The following POLQ variants were observed in gnomAD, a reference collection of about 807,000 sequenced individuals.
The protein encoded by POLQ is epididymis secretory sperm binding protein.
A neutral mutation model predicts 259.2 loss-of-function variants in POLQ; 233 were observed. The ratio of observed to expected loss-of-function variants is 0.90; its 90% CI spans 0.81 to 1.00. The LOEUF (loss-of-function observed/expected upper bound fraction) is 1.00. Among genes scored for constraint, POLQ ranks in the 50% least tolerant of loss-of-function variants. The pLI is 0.00. For synonymous variants in POLQ, 1,025 were observed against 1,048.8 expected (o/e 0.98, Z 0.44); for missense variants, 2,871 against 3,051.6 (o/e 0.94, Z 1.39).
At chr3:121,521,946 T>G in intron 8 of POLQ, 57 bp downstream of exon 8, 1 of 1,183,422 alleles carries the variant, frequency 8.5e-7, no homozygotes, top group Non-Finnish European at 1.2e-6. Flanking sequence ...AATATAAAAG[T>G]TAAGACAGTA....
chr3:121,473,277 C>A, intron 21 of POLQ, 73 bp downstream of exon 21: 1 of 1,268,548 alleles, frequency 7.9e-7, no homozygotes, highest in Non-Finnish European at 1.1e-6. Flanking sequence ...ATTTCATCAG[C>A]ATTCTTTCTA....
rs919439064 is a variant in POLQ, at chr3:121,445,350, A to T, written c.7264+3965T>A. ...CAGGTTTTAGATTTCTTCATGGTTC[A>T]ATCTTGGCAGGTTGTATGTGTCTAG... On this transcript the variant is annotated intron_variant, in intron 26 of 29. Transcript: ENST00000264233. Among the ~76,000 whole-genome samples, 2 of 152,122 alleles carry T rather than the reference A, an allele frequency of 1.3e-5. 1 individual carries two copies. Among genetic ancestry groups the T allele is most frequent in the Admixed American group, 1.3e-4 (2 of 15,270 alleles).
rs553201767 is a variant in POLQ at position 121,522,144 on chromosome 3, C to T, written c.1114G>A (p.Val372Met). 3.1e-6 allele frequency: 5 copies of T among 1,594,270 alleles called. No homozygotes were observed. Among genetic ancestry groups the T allele is most frequent in the Non-Finnish European group, 4.3e-6 (5 of 1,174,578 alleles). ...ACTGGTGGGCATTCAGAGGGTTTCA[C>T]CAATCCTGTCACAAAAAAATTATCA... ...YNLHHQAEGLVKPSECPPVIL... is the reference protein window; with the variant it reads ...YNLHHQAEGLMKPSECPPVIL... Residue 372 changes from valine to methionine, a missense_variant, in exon 8 of 30, where the codon GTG (valine) becomes ATG (methionine). Val to Met is a conservative substitution (Grantham distance 21, BLOSUM62 1). Transcript: ENST00000264233.
At chr3:121,504,875 A>G (rs181373964) in intron 12 of POLQ, among the ~76,000 whole-genome samples, 1 of 152,278 alleles carries the variant, frequency 6.6e-6, no homozygotes, top group African/African-American at 2.4e-5. Context: ...CAATGAGTTA[A>G]GACTCCGGGG....
chr3:121,471,861 TTA>T (rs2047886194), intron 22 of POLQ, 127 bp downstream of exon 22: 2 of 448,742 alleles, frequency 4.5e-6, no homozygotes, highest in Non-Finnish European at 7.8e-6. Flanking sequence ...AGCATGTATT[TTA>T]TAGTTGTAAA....
At chr3:121,539,347 T>C in intron 4 of POLQ, 86 bp downstream of exon 4, 1 of 1,026,980 alleles carries the variant, frequency 9.7e-7, no homozygotes, top group Non-Finnish European at 1.4e-6. Context: ...GGAAAACAAA[T>C]GGGACCTAGA....
At chr3:121,498,205 G>A (rs888224093) in intron 13 of POLQ, among the ~76,000 whole-genome samples, 2 of 151,936 alleles carry the variant, frequency 1.3e-5, no homozygotes, top group African/African-American at 4.8e-5. Flanking sequence ...AGCTACTCAG[G>A]AGGCTGAGGC....
chr3:121,483,340 T>C lies in POLQ; in HGVS notation c.5970+46A>G, dbSNP rs555201978. Reference sequence around the variant, plus strand: ...TACCAAGTCATTTAAGAATTAACACTAAAAATGTTGTTTTAAGTATATAAA... The same window carrying C: ...TACCAAGTCATTTAAGAATTAACACCAAAAATGTTGTTTTAAGTATATAAA... On this transcript the variant is annotated intron_variant, in intron 18 of 29. Transcript: ENST00000264233. 5.4e-6 allele frequency: 6 copies of C among 1,113,666 alleles called. No homozygotes were observed. The South Asian group carries it at 1.0e-4, about 19-fold the overall frequency. The allele number at this position is 1,113,666 out of a possible 1,614,324, so 69.0% of individuals were successfully genotyped here.
intron 22 of POLQ, among the ~76,000 whole-genome samples, chr3:121,469,585 C>G (rs2108788790): frequency 6.6e-6 from 1 of 152,236 alleles, no homozygotes; most frequent in African/African-American, 2.4e-5. Flanking sequence ...TTCAGTGTTA[C>G]AAAGCTAACA....
At chr3:121,455,004 T>C (rs1361877660) in intron 25 of POLQ, among the ~76,000 whole-genome samples, 2 of 152,092 alleles carry the variant, frequency 1.3e-5, no homozygotes, top group Non-Finnish European at 2.9e-5. Flanking sequence ...TCAGCAAATG[T>C]AAAAGAACAG....
At chr3:121,486,451 G>C (rs1334713900) in intron 16 of POLQ, among the ~76,000 whole-genome samples, 2 of 152,200 alleles carry the variant, frequency 1.3e-5, no homozygotes, top group Non-Finnish European at 2.9e-5. Flanking sequence ...CTACTCAGGA[G>C]GCTGAGGCAG....
chr3:121,479,494 ACTCT>A (rs746143102), intron 19 of POLQ, among the ~76,000 whole-genome samples: 14 of 151,982 alleles, frequency 9.2e-5, no homozygotes, highest in Admixed American at 3.3e-4. Flanking sequence ...ACAGATCCTC[ACTCT>A]ATTGCCCAGA....
At chr3:121,467,082 A>G (rs904271852) in intron 24 of POLQ, among the ~76,000 whole-genome samples, 2 of 152,236 alleles carry the variant, frequency 1.3e-5, no homozygotes, top group African/African-American at 4.8e-5. Context: ...AGGAAGCAGC[A>G]GTGCAGAAAA....
rs1005596944 is a variant in POLQ at position 121,456,152 on chromosome 3, T to C, written c.7152+3898A>G. 2.6e-4 allele frequency among the ~76,000 whole-genome samples: 40 copies of C among 152,334 alleles called. 1 individual carries two copies. The Middle Eastern group carries it at 0.014, about 52-fold the overall frequency. On this transcript the variant is annotated intron_variant, in intron 25 of 29. Transcript: ENST00000264233. ...AAAAACACATGATTATCTCAATAGA[T>C]GCAGTAAAGGCCTTTGGCAAAATTC... is the stretch of plus-strand genomic sequence containing the variant.
At chr3:121,480,755 A>C (rs892371654) in intron 19 of POLQ, among the ~76,000 whole-genome samples, 1 of 152,224 alleles carries the variant, frequency 6.6e-6, no homozygotes, top group Admixed American at 6.5e-5. Flanking sequence ...CATATTCACT[A>C]TCTTATTTAA....
chr3:121,454,638 G>A (rs2047715123), intron 25 of POLQ, among the ~76,000 whole-genome samples: 1 of 152,148 alleles, frequency 6.6e-6, no homozygotes, highest in African/African-American at 2.4e-5. Context: ...GACAAAGAAG[G>A]CCATTACATA....
intron 25 of POLQ, among the ~76,000 whole-genome samples, chr3:121,458,959 A>G (rs541035078): frequency 6.6e-6 from 1 of 152,352 alleles, no homozygotes; most frequent in East Asian, 1.9e-4. Context: ...GCAGGATCTC[A>G]GAGTACGGTG....
intron 9 of POLQ, among the ~76,000 whole-genome samples, chr3:121,516,583 T>C (rs542457468): frequency 3.9e-4 from 59 of 152,354 alleles, no homozygotes; most frequent in Middle Eastern, 3.4e-3. Context: ...AAGTTGAAAT[T>C]ATTTAGAATC....
intron 15 of POLQ, among the ~76,000 whole-genome samples, chr3:121,492,048 G>A (rs188270680): frequency 1.1e-4 from 12 of 109,604 alleles, no homozygotes; most frequent in South Asian, 3.2e-4. Flanking sequence ...CTCCACCCCC[G>A]GTCTGTGGAA....
Sources: allele counts gnomAD v4.1 joint callset (sites outside exome capture counted in the v4.1 genomes callset), GRCh38; gene constraint gnomAD v4.1.1; transcripts MANE v1.5; gene names NCBI Gene and HGNC (gene_info 2026-07-23, HGNC 2026-07-21).